ANKRD11: variants seen among roughly 807,000 people sequenced by gnomAD.
ANKRD11 encodes the protein ankyrin repeat domain-containing protein 11.
A neutral mutation model predicts 195.7 loss-of-function variants in ANKRD11; 17 were observed. The observed-to-expected ratio is 0.09, with a 90% CI of 0.06 to 0.13. The LOEUF (loss-of-function observed/expected upper bound fraction) is 0.13. Among genes scored for constraint, ANKRD11 ranks in the 10% least tolerant of loss-of-function variants. ANKRD11 has a pLI of 1.00. For synonymous variants in ANKRD11, 1,953 were observed against 1,528.1 expected (o/e 1.28, Z -6.49); for missense variants, 3,735 against 3,566.1 (o/e 1.05, Z -1.21).
At chr16:89,456,807 G>A (rs2056457012) in intron 1 of ANKRD11, among the ~76,000 whole-genome samples, 1 of 152,192 alleles carries the variant, frequency 6.6e-6, no homozygotes, top group Admixed American at 6.5e-5. Flanking sequence ...CTGAAGAGCT[G>A]CGGAGAAGTG....
chr16:89,274,275 G>A (rs2033445644), intron 11 of ANKRD11, among the ~76,000 whole-genome samples: 1 of 152,232 alleles, frequency 6.6e-6, no homozygotes, highest in Non-Finnish European at 1.5e-5. Context: ...CAGATGGGCA[G>A]GACAGTGACT....
intron 4 of ANKRD11, among the ~76,000 whole-genome samples, chr16:89,295,748 C>T (rs1597503373): frequency 6.7e-6 from 1 of 149,370 alleles, no homozygotes; most frequent in South Asian, 2.1e-4. Flanking sequence ...GGATGTGACG[C>T]GCCTGGGGGT....
rs2034030752 is a variant in ANKRD11 at position 89,279,898 on chromosome 16, A to G, written c.6644T>C (p.Val2215Ala). Residue 2215 changes from valine to alanine, a missense_variant, in exon 9 of 13, where the codon GTG becomes GCG. By Grantham distance (64) the Val-to-Ala change is moderately conservative. Transcript: ENST00000301030. The surrounding 1 kb of genome is among the most constrained non-coding windows in gnomAD (Gnocchi z 5.6). ...PEPSGEPKLD[V>A]ALEAAVEAET... is the part of the protein sequence containing the mutation. Reference sequence around the variant, plus strand: ...CGCCTCCACCGCAGCTTCTAGAGCCACGTCCAGCTTTGGCTCCCCTGAGGG... The same window carrying G: ...CGCCTCCACCGCAGCTTCTAGAGCCGCGTCCAGCTTTGGCTCCCCTGAGGG... The G allele has an allele frequency of 6.2e-7, 1 of 1,606,678 alleles. No individual in the cohort carries two copies.
At chr16:89,347,324 G>A (rs746212166) in intron 2 of ANKRD11, among the ~76,000 whole-genome samples, 3 of 152,152 alleles carry the variant, frequency 2.0e-5, no homozygotes, top group Non-Finnish European at 4.4e-5. Flanking sequence ...AAAGAGTTCC[G>A]TTCGGCCGGG....
intron 2 of ANKRD11, among the ~76,000 whole-genome samples, chr16:89,376,424 G>A (rs192948191): frequency 6.6e-6 from 1 of 152,308 alleles, no homozygotes; most frequent in Admixed American, 6.5e-5. Flanking sequence ...AAAAGGACAT[G>A]TGCCTGAACA....
Position 89,284,420 on chromosome 16 carries a change from TTTC to T in ANKRD11, c.2119_2121del (p.Glu707del), listed in dbSNP as rs754172658. ...TTTTCATCTTTAAAGAGCCATTCTT[TTTC>T]TTCTAATTTCATTTTGCTAAGTTTC... is the stretch of plus-strand genomic sequence containing the variant. On this transcript the variant is annotated inframe_deletion, in exon 9 of 13. Transcript: ENST00000301030. The T allele has an allele frequency of 1.2e-6, 2 of 1,613,488 alleles. No homozygotes were observed. Among genetic ancestry groups the T allele is most frequent in the African/African-American group, 1.3e-5 (1 of 74,978 alleles).
chr16:89,388,783 G>A (rs767603111), intron 2 of ANKRD11, among the ~76,000 whole-genome samples: 6 of 152,284 alleles, frequency 3.9e-5, no homozygotes, highest in South Asian at 4.1e-4. Flanking sequence ...ATCCCTGTCC[G>A]CAGCCCTGGG....
At chr16:89,273,439 C>T (rs55663028) in intron 11 of ANKRD11, among the ~76,000 whole-genome samples, 5,062 of 152,218 alleles carry the variant, frequency 0.033, 148 homozygotes, top group East Asian at 0.063. Context: ...CGGTGGCTCA[C>T]GCCTGTAACT....
At chr16:89,354,556 G>T (rs527440594) in intron 2 of ANKRD11, among the ~76,000 whole-genome samples, 1 of 152,170 alleles carries the variant, frequency 6.6e-6, no homozygotes, top group Non-Finnish European at 1.5e-5. Flanking sequence ...ATACTCAAGA[G>T]ATTTGATTGT....
intron 2 of ANKRD11, chr16:89,325,208 C>G (rs1405047951): frequency 6.6e-6 from 1 of 152,280 alleles, no homozygotes; most frequent in Admixed American, 6.5e-5. Context: ...CACTACACAG[C>G]AGAGGAGGCA....
At chr16:89,321,601 C>T (rs760207671) in intron 2 of ANKRD11, among the ~76,000 whole-genome samples, 18 of 151,998 alleles carry the variant, frequency 1.2e-4, no homozygotes, top group Non-Finnish European at 2.4e-4. Flanking sequence ...CCTTCTGAAC[C>T]CAAACCTGCA....
chr16:89,417,054 T>A (rs1021628493), intron 2 of ANKRD11, among the ~76,000 whole-genome samples: 2 of 152,184 alleles, frequency 1.3e-5, no homozygotes, highest in African/African-American at 4.8e-5. Context: ...TCCCACAGAT[T>A]AAGAGAAGAC....
chr16:89,278,550 GGCTGGGGGCCGA>G, intron 9 of ANKRD11: 1 of 456,992 alleles, frequency 2.2e-6, no homozygotes, highest in East Asian at 6.9e-5. Context: ...AACAAGGTGA[GGCTGGGGGCCGA>G]GGACCAAGCT....
At chr16:89,357,619 C>A (rs963002599) in intron 2 of ANKRD11, among the ~76,000 whole-genome samples, 1 of 152,188 alleles carries the variant, frequency 6.6e-6, no homozygotes, top group African/African-American at 2.4e-5. Context: ...ACCCGAGTGT[C>A]CCCTGGCGGA....
In ANKRD11 at chr16:89,282,303, T is replaced by C; in HGVS notation, c.4239A>G (p.Glu1413=). The part of the protein sequence containing the change: ...GVSYNMKADI[E]DELDKTIELF... ...ATTCAATGGTTTTATCTAGCTCATCTTCTATGTCAGCTTTCATGTTGTAAG... is the reference window on the plus strand; with the variant it reads ...ATTCAATGGTTTTATCTAGCTCATCCTCTATGTCAGCTTTCATGTTGTAAG... Residue 1413 remains glutamate, a synonymous_variant, in exon 9 of 13, where the codon GAA becomes GAG. Transcript: ENST00000301030. 1 of 1,613,812 alleles carries C rather than the reference T, an allele frequency of 6.2e-7. No homozygotes were observed. Among genetic ancestry groups the C allele is most frequent in the Non-Finnish European group, 8.5e-7 (1 of 1,180,046 alleles).
At chr16:89,440,118 C>T (rs868574897) in intron 1 of ANKRD11, among the ~76,000 whole-genome samples, 1 of 152,212 alleles carries the variant, frequency 6.6e-6, no homozygotes, top group African/African-American at 2.4e-5. Context: ...AGTGCTCACC[C>T]GCAACCATTT....
At chr16:89,288,440 G>A (rs2034803125) in intron 7 of ANKRD11, 88 bp downstream of exon 7, 1 of 1,597,120 alleles carries the variant, frequency 6.3e-7, no homozygotes, top group African/African-American at 1.3e-5. Flanking sequence ...CCCACATCAT[G>A]GAACCGGCTA....
intron 2 of ANKRD11, among the ~76,000 whole-genome samples, chr16:89,350,020 G>A (rs1402230562): frequency 6.6e-6 from 1 of 152,060 alleles, no homozygotes; most frequent in Non-Finnish European, 1.5e-5. Context: ...TGGCAGATAT[G>A]AAAGTGAAGA....
In ANKRD11 at chr16:89,451,796, G is replaced by A. The variant is rs1302039021; in HGVS notation, c.-144-33428C>T. Among the ~76,000 whole-genome samples the A allele has an allele frequency of 4.6e-5, 7 of 151,672 alleles. 1 individual carries two copies. The highest frequency in any genetic ancestry group is 3.3e-4 in the Admixed American group (5 of 15,144). On this transcript the variant is annotated intron_variant, in intron 1 of 12. Transcript: ENST00000301030. ...TACTTACAATGCATCAATTTATGAC[G>A]GAAAAAGTATTTCAGTGAATCTTAA...
Sources: gnomAD v4.1 joint callset for allele counts (sites outside exome capture counted in the v4.1 genomes callset) on GRCh38, gnomAD v4.1.1 for gene constraint, Gnocchi (gnomAD v3.1) non-coding constraint, MANE v1.5 for transcripts, NCBI Gene and HGNC (gene_info 2026-07-23, HGNC 2026-07-21) for gene names.